The following BCL7B variants were observed in gnomAD, a reference collection of about 807,000 sequenced individuals.
BCL7B encodes the protein B-cell CLL/lymphoma 7 protein family member B.
In BCL7B, 11 loss-of-function variants were observed where a neutral mutation model predicts 26.5. The observed-to-expected ratio is 0.42, with a 90% CI of 0.26 to 0.69. The LOEUF (loss-of-function observed/expected upper bound fraction) is 0.69. BCL7B is among the 30% of genes least tolerant of loss of function. BCL7B has a pLI of 0.28. For missense variants in BCL7B, 215 were observed against 264.4 expected (o/e 0.81, Z 1.30); for synonymous variants, 111 against 107.9 (o/e 1.03, Z -0.18).
In BCL7B at chr7:73,540,055, G is replaced by A; in HGVS notation, c.266-3C>T. 3 of 1,613,034 alleles carry A rather than the reference G, an allele frequency of 1.9e-6. No individual in the cohort carries two copies. Among genetic ancestry groups the A allele is most frequent in the Non-Finnish European group, 2.5e-6 (3 of 1,179,678 alleles). ...GGAACTCTGGTTGCTGTTTTCGTCTGAAAACCAAACAGAACAAAGGCAGCA... is the reference window on the plus strand; with the variant it reads ...GGAACTCTGGTTGCTGTTTTCGTCTAAAAACCAAACAGAACAAAGGCAGCA... On this transcript the variant is annotated splice_polypyrimidine_tract_variant and splice_region_variant and intron_variant, in intron 3 of 5. Coordinates refer to ENST00000223368, the MANE Select transcript of BCL7B (RefSeq NM_001707.4).
rs11557175 is a variant in BCL7B at position 73,537,191 on chromosome 7, G to A, written c.*107C>T. On this transcript the variant is annotated 3_prime_UTR_variant, in exon 6 of 6. Coordinates refer to ENST00000223368, the MANE Select transcript of BCL7B (RefSeq NM_001707.4). ...CTTCCAGCCCGGAAGGCTCATGTGT[G>A]CAGGCTCTTGACCCCAGTGCTTGCC... 3 of 1,053,068 alleles carry A rather than the reference G, an allele frequency of 2.8e-6. No homozygotes were observed. The highest frequency in any genetic ancestry group is 2.8e-5 in the South Asian group (2 of 71,426). The allele number at this position is 1,053,068 out of a possible 1,614,324, so 65.2% of individuals were successfully genotyped here.
In BCL7B at chr7:73,539,773, G is replaced by A. The variant is rs1046959279; in HGVS notation, c.436+109C>T. 6.9e-6 allele frequency: 9 copies of A among 1,305,002 alleles called. No homozygotes were observed. The African/African-American group carries it at 1.0e-4, about 15-fold the overall frequency. 80.8% of individuals were successfully genotyped at this position (1,305,002 alleles called of 1,614,324 possible). On this transcript the variant is annotated intron_variant, in intron 4 of 5. Transcript: ENST00000223368. Reference sequence around the variant, plus strand: ...AGCTATCGAGAAAGGGCTTGGTGCTGCCTGGCTCTGAGGTGCTCTCTCGAG... The same window carrying A: ...AGCTATCGAGAAAGGGCTTGGTGCTACCTGGCTCTGAGGTGCTCTCTCGAG...
Position 73,537,038 on chromosome 7 carries a change from T to A in BCL7B, c.*260A>T. Reference sequence around the variant, plus strand: ...GCTGCCTGGAGGTCACAGATGAATCTTGGGGTGGCCGATGCTCCAGCCAAC... The same window carrying A: ...GCTGCCTGGAGGTCACAGATGAATCATGGGGTGGCCGATGCTCCAGCCAAC... On this transcript the variant is annotated 3_prime_UTR_variant, in exon 6 of 6. Coordinates refer to ENST00000223368, the MANE Select transcript of BCL7B (RefSeq NM_001707.4). 7.5e-6 allele frequency: 3 copies of A among 399,790 alleles called. No individual in the cohort carries two copies. In the Admixed American group the frequency reaches 1.1e-4, roughly 15 times the overall value. The allele number at this position is 399,790 out of a possible 1,614,324, so 24.8% of individuals were successfully genotyped here. A position where few individuals can be genotyped will look rare whatever the true frequency, so the allele number is the denominator to read the frequency against.
At chr7:73,551,272 G>A (rs1296677820) in intron 2 of BCL7B, among the ~76,000 whole-genome samples, 3 of 152,094 alleles carry the variant, frequency 2.0e-5, no homozygotes, top group Non-Finnish European at 4.4e-5. Flanking sequence ...GGAAATCAGT[G>A]GGCATACTTA....
chr7:73,550,551 C>CA (rs1160766361), intron 2 of BCL7B, among the ~76,000 whole-genome samples: 8 of 138,026 alleles, frequency 5.8e-5, no homozygotes, highest in Admixed American at 5.0e-4. Flanking sequence ...CTCAAAAAAA[C>CA]AAAAAAGCAA....
At chr7:73,553,100 T>C (rs2115821183) in intron 1 of BCL7B, among the ~76,000 whole-genome samples, 1 of 151,460 alleles carries the variant, frequency 6.6e-6, no homozygotes, top group African/African-American at 2.4e-5. Context: ...TTTTTATTTT[T>C]TGTAGAGATG....
intron 3 of BCL7B, among the ~76,000 whole-genome samples, chr7:73,543,241 A>G (rs1344083742): frequency 1.3e-5 from 2 of 151,838 alleles, no homozygotes; most frequent in Non-Finnish European, 2.9e-5. Flanking sequence ...CAGTGGCGCA[A>G]TCTCGGCTCA....
chr7:73,549,907 G>C (rs1383892514), intron 2 of BCL7B, among the ~76,000 whole-genome samples: 1 of 152,220 alleles, frequency 6.6e-6, no homozygotes, highest in Non-Finnish European at 1.5e-5. Context: ...AAAAGCAAAA[G>C]TAGGAGAGTC....
At chr7:73,553,934 G>A (rs1169449560) in intron 1 of BCL7B, among the ~76,000 whole-genome samples, 2 of 150,932 alleles carry the variant, frequency 1.3e-5, no homozygotes, top group Non-Finnish European at 2.9e-5. Context: ...TTCGAGGTCT[G>A]CAAACAAATG....
intron 2 of BCL7B, among the ~76,000 whole-genome samples, chr7:73,550,802 C>T (rs182921090): frequency 4.0e-4 from 61 of 151,702 alleles, no homozygotes; most frequent in African/African-American, 1.3e-3. Context: ...GGACTACAGG[C>T]GCCCACCACC....
At chr7:73,557,306 T>C (rs1792406196) in intron 1 of BCL7B, 181 bp downstream of exon 1, 2 of 1,159,494 alleles carry the variant, frequency 1.7e-6, no homozygotes, top group Non-Finnish European at 2.1e-6. Context: ...GGACCGCTGA[T>C]TGGCCGCGGC....
chr7:73,546,763 T>C (rs1213364291), intron 2 of BCL7B, among the ~76,000 whole-genome samples: 3 of 152,104 alleles, frequency 2.0e-5, no homozygotes, highest in South Asian at 2.1e-4. Context: ...ATGAGGTTAA[T>C]TGAAATACAT....
chr7:73,543,709 G>A, intron 2 of BCL7B, 65 bp from the exon 3 acceptor site: 1 of 1,335,354 alleles, frequency 7.5e-7, no homozygotes, highest in Non-Finnish European at 1.1e-6. Context: ...AGGGAGGAGG[G>A]TGCTATGTGA....
At position 73,543,895 on chromosome 7, in the gene BCL7B, C is replaced by T. The variant is rs536707563; in HGVS notation, c.169-251G>A. 52 of 406,528 alleles carry T rather than the reference C, an allele frequency of 1.3e-4. 1 individual carries two copies. Among genetic ancestry groups the T allele is most frequent in the Non-Finnish European group, 2.1e-4 (47 of 219,032 alleles). The allele number at this position is 406,528 out of a possible 1,614,324, so 25.2% of individuals were successfully genotyped here. A position where few individuals can be genotyped will look rare whatever the true frequency, so the allele number is the denominator to read the frequency against. On this transcript the variant is annotated intron_variant, in intron 2 of 5. Coordinates refer to ENST00000223368, the MANE Select transcript of BCL7B (RefSeq NM_001707.4). ...AAGCAACAGGCAGATACATACACTT[C>T]GACTAGAACATCCCATAGTATCCCT...
intron 2 of BCL7B, among the ~76,000 whole-genome samples, chr7:73,545,634 G>C (rs776634450): frequency 2.0e-5 from 3 of 152,194 alleles, no homozygotes; most frequent in Non-Finnish European, 2.9e-5. Flanking sequence ...GGCTGGATGG[G>C]GGAATAAACA....
intron 1 of BCL7B, 99 bp from the exon 2 acceptor site, chr7:73,552,341 C>A (rs1792206359): frequency 1.0e-6 from 1 of 988,602 alleles, no homozygotes; most frequent in Middle Eastern, 2.1e-4. Flanking sequence ...TTCCTTCAAT[C>A]TGGAATCCTT....
intron 2 of BCL7B, among the ~76,000 whole-genome samples, chr7:73,546,138 AAAAAAAAAAAAG>A (rs1791947829): frequency 6.6e-6 from 1 of 151,524 alleles, no homozygotes; most frequent in South Asian, 2.1e-4. Context: ...TCTCAAAAAA[AAAAAAAAAAAAG>A]AAAGAAAAAC....
intron 2 of BCL7B, chr7:73,543,942 GCCAGGCAA>G (rs1310085063): frequency 4.5e-6 from 1 of 222,992 alleles, no homozygotes; most frequent in African/African-American, 2.3e-5. Context: ...ATCAAATTGC[GCCAGGCAA>G]CCCTTCTCTA....
chr7:73,554,874 C>A (rs557742625), intron 1 of BCL7B, among the ~76,000 whole-genome samples: 1 of 151,606 alleles, frequency 6.6e-6, no homozygotes, highest in African/African-American at 2.4e-5. Flanking sequence ...GAATTAAAGT[C>A]TTAGAAAATA....
Sources: allele counts gnomAD v4.1 joint callset (sites outside exome capture counted in the v4.1 genomes callset), GRCh38; gene constraint gnomAD v4.1.1; transcripts MANE v1.5; gene names NCBI Gene and HGNC (gene_info 2026-07-23, HGNC 2026-07-21).